The following GALK1 variants were observed in gnomAD, a reference collection of about 807,000 sequenced individuals.
GALK1 encodes galactokinase.
In GALK1, 30 loss-of-function variants were observed where a neutral mutation model predicts 38.6. The ratio of observed to expected loss-of-function variants is 0.78; its 90% CI spans 0.58 to 1.05. GALK1 has a LOEUF of 1.05. Ranked by LOEUF, GALK1 falls within the 50% of genes least tolerant of loss-of-function variation. The probability of loss-of-function intolerance (pLI) is 0.00; values close to 1 mark genes in which losing one functional copy is unlikely to be tolerated. For missense variants in GALK1, 512 were observed against 540.5 expected (o/e 0.95, Z 0.52); for synonymous variants, 240 against 233.6 (o/e 1.03, Z -0.25).
downstream of GALK1, chr17:75,757,316 C>A (rs536616354): frequency 1.2e-6 from 2 of 1,612,488 alleles, no homozygotes; most frequent in East Asian, 4.5e-5. Context: ...AGTGGGTGAG[C>A]ACTGAGGGCT....
rs1284948776 is a variant in GALK1 at position 75,765,189 on chromosome 17, G to A, written c.-53C>T. 7.3e-7 allele frequency: 1 copy of A among 1,374,472 alleles called. No individual in the cohort carries two copies. The highest frequency in any genetic ancestry group is 9.3e-7 in the Non-Finnish European group (1 of 1,069,556). 85.1% of individuals were successfully genotyped at this position (1,374,472 alleles called of 1,614,324 possible). A position where few individuals can be genotyped will look rare whatever the true frequency, so the allele number is the denominator to read the frequency against. ...GCTCCGGCACAGCCCCGTCGGCGCG[G>A]GATGCTCGGGCGGGGCCCCGCGCGG... On this transcript the variant is annotated 5_prime_UTR_variant, in exon 1 of 8. Transcript: ENST00000588479.
downstream of GALK1, chr17:75,756,002 T>C (rs1416135247): frequency 5.3e-6 from 5 of 948,946 alleles, no homozygotes; most frequent in South Asian, 7.3e-5. Flanking sequence ...CCCACCCCAT[T>C]CTCCACCCCA....
rs371641311 is a variant in GALK1 at position 75,763,963 on chromosome 17, G to A, written c.289C>T (p.Arg97Cys). The A allele has an allele frequency of 2.7e-5, 43 of 1,613,086 alleles. No homozygotes were observed. The highest frequency in any genetic ancestry group is 3.2e-5 in the Non-Finnish European group (38 of 1,179,952). The change falls in exon 2 of 8, where the codon CGC becomes TGC. Residue 97 changes from arginine (R) to cysteine (C), a missense_variant. Coordinates refer to ENST00000588479, the MANE Select transcript of GALK1 (RefSeq NM_000154.2). ...CGAGGAGTCCCAGGCTCCAGCGAGC[G>A]CTGGGCTGTGGGCAGTGGAAACTGC... ...RLQFPLPTAQRSLEPGTPRWA... is the reference protein window; with the variant it reads ...RLQFPLPTAQCSLEPGTPRWA...
downstream of GALK1, chr17:75,756,351 C>A: frequency 6.5e-7 from 1 of 1,530,504 alleles, no homozygotes; most frequent in African/African-American, 1.4e-5. Flanking sequence ...GTCTCGATGG[C>A]AGCTTAGGGA....
chr17:75,753,604 C>G (rs2061417277), downstream of GALK1, among the ~76,000 whole-genome samples: 1 of 152,200 alleles, frequency 6.6e-6, no homozygotes, highest in East Asian at 1.9e-4. Context: ...GCGGCCTTCC[C>G]GCTCCGGCCG....
chr17:75,764,383 G>A (rs1348101536), intron 1 of GALK1: 1 of 659,096 alleles, frequency 1.5e-6, no homozygotes, highest in East Asian at 3.2e-5. Context: ...GAGCTCCAAA[G>A]CCTTTACATT....
At chr17:75,752,407 G>A (rs763110361) in intron 8 of GALK1, 2 of 1,612,804 alleles carry the variant, frequency 1.2e-6, no homozygotes, top group East Asian at 2.2e-5. Context: ...GGGGCAGGGG[G>A]CAGCAGCCAG....
intron 5 of GALK1, among the ~76,000 whole-genome samples, chr17:75,762,391 A>C (rs942001949): frequency 6.6e-6 from 1 of 152,208 alleles, no homozygotes; most frequent in Non-Finnish European, 1.5e-5. Flanking sequence ...ATGTGGAAAA[A>C]TACTGAAAGG....
chr17:75,764,231 G>A (rs903696844), intron 1 of GALK1, 145 bp from the exon 2 acceptor site: 5 of 862,798 alleles, frequency 5.8e-6, no homozygotes, highest in African/African-American at 3.3e-5. Flanking sequence ...AAGATCCTGA[G>A]GGCCAGCTGA....
downstream of GALK1, chr17:75,753,713 C>T: frequency 7.9e-7 from 1 of 1,263,410 alleles, no homozygotes; most frequent in Non-Finnish European, 1.0e-6. Context: ...CCTGGCCCTG[C>T]TCGGCCCGGC....
intron 8 of GALK1, chr17:75,752,404 G>T (rs1310030668): frequency 6.2e-7 from 1 of 1,612,838 alleles, no homozygotes; most frequent in Non-Finnish European, 8.5e-7. Flanking sequence ...AGGGGGGCAG[G>T]GGGCAGCAGC....
chr17:75,758,352 C>A lies in GALK1; in HGVS notation c.965G>T (p.Cys322Phe). Residue 322 changes from cysteine to phenylalanine, a missense_variant, in exon 7 of 8, where the codon TGC becomes TTC. By Grantham distance (205) the Cys-to-Phe change is radical. Transcript: ENST00000588479. ...RSLRDDYEVS[C>F]PELDQLVEAA... ...CTCCACCAGCTGGTCCAGCTCTGGG[C>A]AGCTCACCTCATAGTCGTCTCTGCA... is the stretch of plus-strand genomic sequence containing the variant. The A allele has an allele frequency of 6.3e-7, 1 of 1,593,656 alleles. No individual in the cohort carries two copies. Among genetic ancestry groups the A allele is most frequent in the South Asian group, 1.1e-5 (1 of 88,350 alleles).
In GALK1 at chr17:75,763,995, TG is replaced by T; in HGVS notation, c.256del (p.Gln86SerfsTer28). 6.2e-7 allele frequency: 1 copy of T among 1,611,912 alleles called. No homozygotes were observed. On this transcript the variant is annotated frameshift_variant, in exon 2 of 8. Coordinates refer to ENST00000588479, the MANE Select transcript of GALK1 (RefSeq NM_000154.2). LOFTEE classifies it high-confidence loss of function. ...TGTGGGCAGTGGAAACTGCAGCCGC[TG>T]GGGCTCATCGGCACCCTCAGAGGTG... ...LTTSEGADEP[Q>X]RLQFPLPTAQ...
intron 8 of GALK1, chr17:75,752,640 TGGGTCCAGAGAG>T: frequency 6.2e-7 from 1 of 1,604,424 alleles, no homozygotes; most frequent in Admixed American, 1.7e-5. Flanking sequence ...GTGAGTCCAC[TGGGTCCAGAGAG>T]GGCAAAGGGG....
chr17:75,751,988 T>C (rs2061376727), intron 8 of GALK1: 4 of 737,266 alleles, frequency 5.4e-6, no homozygotes, highest in Non-Finnish European at 7.4e-6. Context: ...TGGTGACATA[T>C]GTCCACGCCA....
chr17:75,761,222 A>G (rs893143612), intron 5 of GALK1, among the ~76,000 whole-genome samples: 1 of 152,054 alleles, frequency 6.6e-6, no homozygotes, highest in East Asian at 1.9e-4. Context: ...ATAAATAAAT[A>G]ATAAAAAAGA....
chr17:75,763,945 T>A lies in GALK1; in HGVS notation c.307A>T (p.Thr103Ser). Residue 103 changes from threonine (T) to serine (S), a missense_variant, in exon 2 of 8, where the codon ACT (threonine) becomes TCT (serine). By Grantham distance (58) the Thr-to-Ser change is moderately conservative. Coordinates refer to ENST00000588479, the MANE Select transcript of GALK1 (RefSeq NM_000154.2). The part of the protein sequence containing the change: ...PTAQRSLEPG[T>S]PRWANYVKGV... ...TTGACATAGTTGGCCCACCGAGGAGTCCCAGGCTCCAGCGAGCGCTGGGCT... is the reference window on the plus strand; with the variant it reads ...TTGACATAGTTGGCCCACCGAGGAGACCCAGGCTCCAGCGAGCGCTGGGCT... The A allele has an allele frequency of 6.2e-7, 1 of 1,613,140 alleles. No individual in the cohort carries two copies. The highest frequency in any genetic ancestry group is 1.7e-5 in the Admixed American group (1 of 59,970).
In GALK1 at chr17:75,752,570, T is replaced by A. The variant is rs886053414; in HGVS notation, c.*23-833A>T. ...GCAGCCAGAGGCCCAGCGTCTCCGA[T>A]GACACTGGTGAGTGGAGACCTGGGA... On this transcript the variant is annotated intron_variant, in intron 8 of 8. Coordinates refer to the GALK1 transcript ENST00000225614. 1 of 1,613,536 alleles carries A rather than the reference T, an allele frequency of 6.2e-7. No individual in the cohort carries two copies.
chr17:75,755,365 A>G (rs977543395), downstream of GALK1: 37 of 864,024 alleles, frequency 4.3e-5, no homozygotes, highest in Non-Finnish European at 6.1e-5. Flanking sequence ...CTGCCCTACC[A>G]TCAGTGCTGA....
Sources: allele counts gnomAD v4.1 joint callset (sites outside exome capture counted in the v4.1 genomes callset), GRCh38; gene constraint gnomAD v4.1.1; transcripts MANE v1.5; gene names NCBI Gene and HGNC (gene_info 2026-07-23, HGNC 2026-07-21).